Variants in TMEM68 observed in about 807,000 individuals in gnomAD.
TMEM68 encodes DGAT1/2-independent enzyme synthesizing storage lipids.
A neutral mutation model predicts 36.9 loss-of-function variants in TMEM68; 25 were observed. The ratio of observed to expected loss-of-function variants is 0.68; its 90% CI spans 0.49 to 0.95. The LOEUF (loss-of-function observed/expected upper bound fraction) is 0.95. Ranked by LOEUF, TMEM68 falls within the 40% of genes least tolerant of loss-of-function variation. The probability of loss-of-function intolerance (pLI) is 0.00; values close to 1 mark genes in which losing one functional copy is unlikely to be tolerated. For missense variants in TMEM68, 333 were observed against 392.0 expected (o/e 0.85, Z 1.27); for synonymous variants, 131 against 124.4 (o/e 1.05, Z -0.35).
chr8:55,762,394 C>T, intron 3 of TMEM68: 1 of 495,198 alleles, frequency 2.0e-6, no homozygotes, highest in Non-Finnish European at 3.3e-6. Context: ...TTTCTTATTT[C>T]AACTTATAGT....
At chr8:55,761,365 C>A (rs1401793667) in intron 3 of TMEM68, 1 of 152,226 alleles carries the variant, frequency 6.6e-6, no homozygotes, top group Non-Finnish European at 1.5e-5. Flanking sequence ...TTACTTGGAG[C>A]ACTTCCAGTT....
chr8:55,757,895 G>C (rs952768658), intron 3 of TMEM68, among the ~76,000 whole-genome samples: 1 of 152,104 alleles, frequency 6.6e-6, no homozygotes, highest in African/African-American at 2.4e-5. Flanking sequence ...AAGGAACACA[G>C]AAAGCCTCAC....
At position 55,739,603 on chromosome 8, in the gene TMEM68, T is replaced by C. The variant is rs1418282745; in HGVS notation, c.*529A>G. On this transcript the variant is annotated 3_prime_UTR_variant, in exon 8 of 8. Coordinates refer to ENST00000434581, the MANE Select transcript of TMEM68 (RefSeq NM_001286657.2). ...CAACAGTTATCAATCACAGTAAATA[T>C]AAATAACAAAATAATATCATTCATC... The C allele has an allele frequency of 6.6e-6, 1 of 152,630 alleles. No individual in the cohort carries two copies. The highest frequency in any genetic ancestry group is 1.5e-5 in the Non-Finnish European group (1 of 68,046). 9.5% of individuals were successfully genotyped at this position (152,630 alleles called of 1,614,324 possible). A position where few individuals can be genotyped will look rare whatever the true frequency, so the allele number is the denominator to read the frequency against.
chr8:55,742,962 A>T (rs965251000), intron 7 of TMEM68, among the ~76,000 whole-genome samples: 1 of 151,886 alleles, frequency 6.6e-6, no homozygotes, highest in Non-Finnish European at 1.5e-5. Context: ...CTGTCACACA[A>T]ATTTACTTGT....
intron 6 of TMEM68, among the ~76,000 whole-genome samples, 177 bp from the exon 7 acceptor site, chr8:55,743,797 C>T (rs1810180963): frequency 6.6e-6 from 1 of 152,076 alleles, no homozygotes; most frequent in Non-Finnish European, 1.5e-5. Flanking sequence ...AAATATATCA[C>T]ACCAATGCAA....
chr8:55,771,245 A>G (rs1212836331), intron 1 of TMEM68, among the ~76,000 whole-genome samples: 3 of 152,188 alleles, frequency 2.0e-5, no homozygotes, highest in East Asian at 3.8e-4. Flanking sequence ...AAATCAGAGT[A>G]TTTCAAAAAC....
intron 7 of TMEM68, among the ~76,000 whole-genome samples, chr8:55,741,387 GT>G (rs1157654594): frequency 6.6e-6 from 1 of 152,198 alleles, no homozygotes; most frequent in Non-Finnish European, 1.5e-5. Context: ...GTTCCGTGAT[GT>G]GTATTAAGTG....
chr8:55,761,600 C>T (rs1217923790), intron 3 of TMEM68: 2 of 152,182 alleles, frequency 1.3e-5, no homozygotes, highest in Non-Finnish European at 2.9e-5. Flanking sequence ...CGGGGTACCA[C>T]ATAGACTCCA....
intron 4 of TMEM68, among the ~76,000 whole-genome samples, chr8:55,753,959 G>A (rs900228907): frequency 6.6e-6 from 1 of 151,800 alleles, no homozygotes; most frequent in Non-Finnish European, 1.5e-5. Context: ...AGGTATGGTG[G>A]CAGGCGCCAG....
intron 3 of TMEM68, chr8:55,760,632 T>G (rs1367449048): frequency 6.6e-6 from 1 of 152,152 alleles, no homozygotes; most frequent in Non-Finnish European, 1.5e-5. Flanking sequence ...AAATAAACAT[T>G]CAAAAAATAA....
At chr8:55,747,597 G>A (rs1810320157) in intron 5 of TMEM68, 1 of 151,978 alleles carries the variant, frequency 6.6e-6, no homozygotes, top group Non-Finnish European at 1.5e-5. Flanking sequence ...CCAAAGTGCT[G>A]GGATTACAGG....
Position 55,740,047 on chromosome 8 carries a change from G to T in TMEM68, c.*85C>A. The T allele has an allele frequency of 2.0e-6, 2 of 1,003,844 alleles. No homozygotes were observed. Among genetic ancestry groups the T allele is most frequent in the South Asian group, 1.6e-5 (1 of 62,398 alleles). The allele number at this position is 1,003,844 out of a possible 1,614,324, so 62.2% of individuals were successfully genotyped here. A position where few individuals can be genotyped will look rare whatever the true frequency, so the allele number is the denominator to read the frequency against. ...TTTTTTTAAAAAATACTAATTATAG[G>T]ACCTACAAAATTCAGAAGACAGTAC... On this transcript the variant is annotated 3_prime_UTR_variant, in exon 8 of 8. Coordinates refer to ENST00000434581, the MANE Select transcript of TMEM68 (RefSeq NM_001286657.2).
chr8:55,749,453 A>G (rs1810372073), intron 5 of TMEM68, among the ~76,000 whole-genome samples: 1 of 152,178 alleles, frequency 6.6e-6, no homozygotes, highest in African/African-American at 2.4e-5. Context: ...TACTTGTGCC[A>G]CTTACAACTA....
chr8:55,754,534 CTTATA>C lies in TMEM68; in HGVS notation c.493+1705_493+1709del, dbSNP rs539593097. On this transcript the variant is annotated intron_variant, in intron 4 of 7. Transcript: ENST00000434581. The stretch of plus-strand genomic sequence containing the variant: ...ACGTGTATATATATATTTACATATA[CTTATA>C]TTATATATATAATACATACATATTA... Among the ~76,000 whole-genome samples, 618 of 134,074 alleles carry C rather than the reference CTTATA, an allele frequency of 4.6e-3. 3 individuals are homozygous for C. The highest frequency in any genetic ancestry group is 7.5e-3 in the African/African-American group (266 of 35,604). The allele number at this position is 134,074 out of a possible 152,430, so 88.0% of individuals were successfully genotyped here. A position where few individuals can be genotyped will look rare whatever the true frequency, so the allele number is the denominator to read the frequency against.
At chr8:55,756,714 CAG>C (rs957798291) in intron 3 of TMEM68, among the ~76,000 whole-genome samples, 4 of 152,158 alleles carry the variant, frequency 2.6e-5, no homozygotes, top group East Asian at 1.9e-4. Context: ...AGAACCAGAG[CAG>C]AGTCACGAGG....
At chr8:55,772,088 C>G (rs918628646) in intron 1 of TMEM68, among the ~76,000 whole-genome samples, 2 of 152,162 alleles carry the variant, frequency 1.3e-5, no homozygotes, top group East Asian at 1.9e-4. Context: ...CACATCTATA[C>G]TGGTATATCT....
intron 1 of TMEM68, among the ~76,000 whole-genome samples, chr8:55,765,474 C>A (rs1810936250): frequency 6.6e-6 from 1 of 152,188 alleles, no homozygotes; most frequent in South Asian, 2.1e-4. Flanking sequence ...ATCCTAACTA[C>A]CTCATGAGAT....
chr8:55,761,004 C>G (rs1242957213), intron 3 of TMEM68: 1 of 152,154 alleles, frequency 6.6e-6, no homozygotes, highest in African/African-American at 2.4e-5. Flanking sequence ...TCTGGTTTTA[C>G]AGAGTATTTT....
At chr8:55,764,160 A>G (rs1810892692) in intron 1 of TMEM68, among the ~76,000 whole-genome samples, 180 bp from the exon 2 acceptor site, 1 of 152,212 alleles carries the variant, frequency 6.6e-6, no homozygotes, top group Non-Finnish European at 1.5e-5. Context: ...TCATGCTACC[A>G]TTGCTTTGGT....
Sources: allele counts gnomAD v4.1 joint callset (sites outside exome capture counted in the v4.1 genomes callset), GRCh38; gene constraint gnomAD v4.1.1; transcripts MANE v1.5; gene names NCBI Gene and HGNC (gene_info 2026-07-23, HGNC 2026-07-21).